Variants in GDA observed in about 807,000 individuals in gnomAD.
The protein encoded by GDA is guanine deaminase.
GDA carries 18 observed loss-of-function variants against 59.6 expected under a neutral mutation model. The ratio of observed to expected loss-of-function variants is 0.30; its 90% CI spans 0.21 to 0.45. The LOEUF is 0.45. Ranked by LOEUF, GDA falls within the 20% of genes least tolerant of loss-of-function variation. The pLI, the probability that GDA is intolerant of heterozygous loss-of-function variation, is 1.00. For synonymous variants in GDA, 201 were observed against 201.1 expected, an observed-to-expected ratio of 1.00 and a Z score of 0.00; for missense variants, 427 against 552.3, an observed-to-expected ratio of 0.77 and a Z score of 2.27.
At chr9:72,238,569 AATGC>A (rs1839270649) in intron 10 of GDA, among the ~76,000 whole-genome samples, 4 of 152,258 alleles carry the variant, frequency 2.6e-5, no homozygotes, top group Admixed American at 1.3e-4. Context: ...TAAGTGAATG[AATGC>A]ATAGGAAATG....
At chr9:72,204,110 C>T (rs1367862823) in intron 3 of GDA, among the ~76,000 whole-genome samples, 4 of 152,072 alleles carry the variant, frequency 2.6e-5, no homozygotes, top group African/African-American at 9.7e-5. Context: ...CCACCGCGCC[C>T]GGCCGAGCAA....
intron 1 of GDA, among the ~76,000 whole-genome samples, chr9:72,184,977 G>A (rs1205988936): frequency 6.6e-6 from 1 of 152,012 alleles, no homozygotes; most frequent in Admixed American, 6.5e-5. Context: ...GTTTTAAAAT[G>A]ATTGAAAAAA....
At chr9:72,244,656 G>T (rs187786772) in intron 11 of GDA, among the ~76,000 whole-genome samples, 2 of 152,092 alleles carry the variant, frequency 1.3e-5, no homozygotes, top group Non-Finnish European at 2.9e-5. Context: ...TATGCAAAAG[G>T]ATAATTATTT....
At chr9:72,143,514 C>T (rs1826517468) in intron 1 of GDA, among the ~76,000 whole-genome samples, 2 of 152,124 alleles carry the variant, frequency 1.3e-5, no homozygotes, top group Non-Finnish European at 2.9e-5. Context: ...TTTGAGGGAT[C>T]AGCAGTATGA....
intron 1 of GDA, among the ~76,000 whole-genome samples, chr9:72,157,704 C>A (rs1195334007): frequency 6.6e-6 from 1 of 152,190 alleles, no homozygotes; most frequent in Non-Finnish European, 1.5e-5. Flanking sequence ...TGGGTAGTAT[C>A]ATGTATCTAC....
At chr9:72,211,739 A>T (rs185191125) in intron 4 of GDA, among the ~76,000 whole-genome samples, 1 of 152,222 alleles carries the variant, frequency 6.6e-6, no homozygotes, top group Admixed American at 6.5e-5. Context: ...GGACACAGGT[A>T]TGGGAACAGG....
intron 5 of GDA, among the ~76,000 whole-genome samples, chr9:72,216,084 C>G (rs1158225287): frequency 6.6e-6 from 1 of 152,176 alleles, no homozygotes; most frequent in African/African-American, 2.4e-5. Context: ...ACAATAGAAG[C>G]CTTGGTGAAC....
At position 72,158,376 on chromosome 9, in the gene GDA, G is replaced by A. The variant is rs149947024; in HGVS notation, c.123+8694G>A. On this transcript the variant is annotated intron_variant, in intron 1 of 13. Coordinates refer to ENST00000358399, the MANE Select transcript of GDA (RefSeq NM_004293.5). ...TGGGAGGCCGAGGTGGGCTCATCAC[G>A]AGGTCAGGAGATCGAGACCATCCTG... Among the ~76,000 whole-genome samples the A allele has an allele frequency of 1.0e-3, 156 of 152,138 alleles. 1 individual carries two copies. The East Asian group carries it at 0.022, about 22-fold the overall frequency.
At chr9:72,116,537 C>T (rs1825455329) in intron 1 of GDA, among the ~76,000 whole-genome samples, 1 of 151,850 alleles carries the variant, frequency 6.6e-6, no homozygotes, top group Admixed American at 6.6e-5. Flanking sequence ...TGTGCGCCAC[C>T]ATGCCCAGCT....
intron 1 of GDA, among the ~76,000 whole-genome samples, chr9:72,127,636 CAAAAA>C (rs369132489): frequency 8.3e-6 from 1 of 120,828 alleles, no homozygotes; most frequent in Non-Finnish European, 1.7e-5. Context: ...GACTCTGTCT[CAAAAA>C]AAAAAAAAAA....
rs992583116 is a variant in GDA, at chr9:72,133,314, T to A, written c.-100+18481T>A. Among the ~76,000 whole-genome samples, 474 of 131,710 alleles carry A rather than the reference T, an allele frequency of 3.6e-3. 4 individuals are homozygous for A. The highest frequency in any genetic ancestry group is 0.012 in the African/African-American group (430 of 35,600). 86.4% of individuals were successfully genotyped at this position (131,710 alleles called of 152,430 possible). On this transcript the variant is annotated intron_variant, in intron 1 of 13. Transcript: ENST00000545168. Reference sequence around the variant, plus strand: ...AAAAAAAAAAAAAAAAAAAAAATAATAATAATAATAATAATAATTTTAGCT... The same window carrying A: ...AAAAAAAAAAAAAAAAAAAAAATAAAAATAATAATAATAATAATTTTAGCT...
At chr9:72,204,381 AT>A (rs1834405612) in intron 3 of GDA, among the ~76,000 whole-genome samples, 1 of 152,218 alleles carries the variant, frequency 6.6e-6, no homozygotes, top group Non-Finnish European at 1.5e-5. Context: ...AAAATGAGTC[AT>A]GATATCAAGG....
chr9:72,121,890 A>G (rs1414591161), intron 1 of GDA, among the ~76,000 whole-genome samples: 1 of 152,144 alleles, frequency 6.6e-6, no homozygotes, highest in African/African-American at 2.4e-5. Flanking sequence ...TAGAGCAGCC[A>G]CTGACTCTGT....
Position 72,248,512 on chromosome 9 carries a change from T to G in GDA, c.*170T>G. The stretch of plus-strand genomic sequence containing the variant: ...ACAAATAGTTCGAAGGAAGTTGCAC[T>G]AATTCTCAACTCTGGTTGAGAGGGT... On this transcript the variant is annotated 3_prime_UTR_variant, in exon 14 of 14. Coordinates refer to ENST00000358399, the MANE Select transcript of GDA (RefSeq NM_004293.5). 1 of 1,419,330 alleles carries G rather than the reference T, an allele frequency of 7.0e-7. No individual in the cohort carries two copies. The allele number at this position is 1,419,330 out of a possible 1,614,324, so 87.9% of individuals were successfully genotyped here. A position where few individuals can be genotyped will look rare whatever the true frequency, so the allele number is the denominator to read the frequency against.
upstream of GDA, among the ~76,000 whole-genome samples, chr9:72,145,984 CAGAA>C (rs1296754481): frequency 6.6e-6 from 1 of 152,108 alleles, no homozygotes; most frequent in Non-Finnish European, 1.5e-5. Flanking sequence ...GATGGATACA[CAGAA>C]AGAAAGAGGA....
intron 6 of GDA, among the ~76,000 whole-genome samples, chr9:72,220,224 T>C (rs1026905054): frequency 1.3e-5 from 2 of 152,134 alleles, no homozygotes; most frequent in Non-Finnish European, 2.9e-5. Flanking sequence ...TTGTGAAATC[T>C]AAAAAAAGTC....
Position 72,126,663 on chromosome 9 carries a change from G to T in GDA, c.-100+11830G>T, listed in dbSNP as rs1362740362. On this transcript the variant is annotated intron_variant, in intron 1 of 13. Transcript: ENST00000545168. The stretch of plus-strand genomic sequence containing the variant: ...CTCACTGCAACCTCTGCCTCCCGGG[G>T]TCAAGTGATTCTCCTACCTCAGCCT... Among the ~76,000 whole-genome samples, 3 of 150,082 alleles carry T rather than the reference G, an allele frequency of 2.0e-5. No individual in the cohort carries two copies. The East Asian group carries it at 5.9e-4, about 29-fold the overall frequency.
chr9:72,223,132 A>G lies in GDA; in HGVS notation c.619A>G (p.Lys207Glu). The G allele has an allele frequency of 1.9e-6, 3 of 1,577,648 alleles. No individual in the cohort carries two copies. The highest frequency in any genetic ancestry group is 2.6e-6 in the Non-Finnish European group (3 of 1,147,058). The change falls in exon 7 of 14, where the codon AAG becomes GAG. Residue 207 changes from lysine (K) to glutamate (E), a missense_variant. By Grantham distance (56) the Lys-to-Glu change is moderately conservative. Coordinates refer to ENST00000358399, the MANE Select transcript of GDA (RefSeq NM_004293.5). ...EMLQKNYSRV[K>E]PIVTPRFSLS... Reference sequence around the variant, plus strand: ...TAATTATCTCCAGTATTCTAGAGTGAAGCCCATAGTGACACCACGTTTTTC... The same window carrying G: ...TAATTATCTCCAGTATTCTAGAGTGGAGCCCATAGTGACACCACGTTTTTC...
chr9:72,217,443 G>A (rs1167548633), intron 5 of GDA, among the ~76,000 whole-genome samples: 1 of 152,206 alleles, frequency 6.6e-6, no homozygotes, highest in Non-Finnish European at 1.5e-5. Context: ...AGCTCAAGAT[G>A]TATTAACACA....
Sources: gnomAD v4.1 joint callset for allele counts (sites outside exome capture counted in the v4.1 genomes callset) on GRCh38, gnomAD v4.1.1 for gene constraint, MANE v1.5 for transcripts, NCBI Gene and HGNC (gene_info 2026-07-23, HGNC 2026-07-21) for gene names.